The following GALNTL6 variants were observed in gnomAD, a reference collection of about 807,000 sequenced individuals.
GALNTL6 encodes the protein polypeptide N-acetylgalactosaminyltransferase-like 6.
GALNTL6 carries 46 observed loss-of-function variants against 73.7 expected under a neutral mutation model. That is an observed-to-expected ratio of 0.62 (90% CI 0.49 to 0.80). GALNTL6 has a LOEUF of 0.80. GALNTL6 is among the 30% of genes least tolerant of loss of function. The pLI is 0.00. For missense variants in GALNTL6, 604 were observed against 755.0 expected (o/e 0.80, Z 2.34); for synonymous variants, 259 against 263.7 (o/e 0.98, Z 0.17).
intron 7 of GALNTL6, among the ~76,000 whole-genome samples, chr4:172,872,848 C>T (rs1030403303): frequency 2.0e-5 from 3 of 152,194 alleles, no homozygotes; most frequent in Admixed American, 1.3e-4. Context: ...TCAATCACTA[C>T]CTCCTGCCAA....
intron 5 of GALNTL6, among the ~76,000 whole-genome samples, chr4:172,572,041 A>G (rs1471294252): frequency 1.3e-5 from 2 of 152,156 alleles, no homozygotes; most frequent in Non-Finnish European, 2.9e-5. Context: ...TTCAATTGGC[A>G]GGCACCCATA....
chr4:172,558,674 C>A (rs1021500115), intron 5 of GALNTL6, among the ~76,000 whole-genome samples: 2 of 152,054 alleles, frequency 1.3e-5, no homozygotes, highest in Non-Finnish European at 2.9e-5. Flanking sequence ...TTTTGTATAA[C>A]CACCCTAGCA....
intron 10 of GALNTL6, among the ~76,000 whole-genome samples, chr4:172,955,062 G>C (rs1206681121): frequency 6.6e-6 from 1 of 152,230 alleles, no homozygotes; most frequent in Non-Finnish European, 1.5e-5. Flanking sequence ...AGATCTCTGA[G>C]AGTATAAGTG....
intron 2 of GALNTL6, among the ~76,000 whole-genome samples, chr4:171,884,788 G>A (rs146603030): frequency 1.3e-5 from 2 of 152,190 alleles, no homozygotes; most frequent in East Asian, 1.9e-4. Flanking sequence ...GGGCACAGTG[G>A]CTCATGCATG....
At chr4:171,912,292 G>A (rs942752751) in intron 2 of GALNTL6, among the ~76,000 whole-genome samples, 3 of 152,022 alleles carry the variant, frequency 2.0e-5, no homozygotes, top group Non-Finnish European at 4.4e-5. Flanking sequence ...TGTTATTTTT[G>A]CTGCAGTAGG....
chr4:172,367,022 G>A (rs555057907), intron 5 of GALNTL6, among the ~76,000 whole-genome samples: 8 of 152,164 alleles, frequency 5.3e-5, no homozygotes, highest in Non-Finnish European at 8.8e-5. Flanking sequence ...TTAATACCCC[G>A]TGAATCCTAG....
At chr4:172,324,378 G>A (rs1223634468) in intron 4 of GALNTL6, among the ~76,000 whole-genome samples, 1 of 151,628 alleles carries the variant, frequency 6.6e-6, no homozygotes, top group East Asian at 1.9e-4. Context: ...AAGGAAAAAA[G>A]AAATAAATTC....
chr4:172,164,028 C>T (rs1734549428), intron 2 of GALNTL6, among the ~76,000 whole-genome samples: 2 of 151,786 alleles, frequency 1.3e-5, no homozygotes, highest in South Asian at 4.1e-4. Context: ...TAAGGAACTT[C>T]AGGGAATGGA....
At chr4:172,670,286 G>T (rs1731902272) in intron 5 of GALNTL6, among the ~76,000 whole-genome samples, 2 of 151,956 alleles carry the variant, frequency 1.3e-5, no homozygotes, top group Non-Finnish European at 2.9e-5. Flanking sequence ...ATAAGCATTT[G>T]CTTTTCTCTG....
chr4:172,380,686 A>T (rs796514963), intron 5 of GALNTL6, among the ~76,000 whole-genome samples: 33 of 152,372 alleles, frequency 2.2e-4, no homozygotes, highest in African/African-American at 7.9e-4. Flanking sequence ...AGCTTTAAAA[A>T]TGTAATTGAA....
At chr4:172,513,351 G>T (rs1255183957) in intron 5 of GALNTL6, among the ~76,000 whole-genome samples, 1 of 151,892 alleles carries the variant, frequency 6.6e-6, no homozygotes, top group Non-Finnish European at 1.5e-5. Flanking sequence ...TCTTTATGTT[G>T]ATATTTACCT....
chr4:172,315,447 G>A (rs894675374), intron 4 of GALNTL6, among the ~76,000 whole-genome samples: 7 of 152,176 alleles, frequency 4.6e-5, no homozygotes, highest in African/African-American at 1.7e-4. Flanking sequence ...ATTTTTAGTA[G>A]AGACAGAGTT....
chr4:171,831,219 C>T (rs1251474336), intron 2 of GALNTL6, among the ~76,000 whole-genome samples: 2 of 151,724 alleles, frequency 1.3e-5, no homozygotes, highest in Admixed American at 6.6e-5. Context: ...TTAGCAGTCA[C>T]GTAGCAGAAA....
intron 2 of GALNTL6, among the ~76,000 whole-genome samples, chr4:172,053,562 A>C (rs1027982958): frequency 1.3e-4 from 20 of 152,164 alleles, no homozygotes; most frequent in Admixed American, 9.8e-4. Flanking sequence ...TTGGCAGAGA[A>C]ACAAAGGGTT....
intron 2 of GALNTL6, among the ~76,000 whole-genome samples, chr4:172,136,540 G>A (rs925693731): frequency 1.3e-5 from 2 of 151,910 alleles, no homozygotes; most frequent in African/African-American, 4.8e-5. Flanking sequence ...CCTTGAAAGC[G>A]ATCTAAAGAT....
intron 2 of GALNTL6, among the ~76,000 whole-genome samples, chr4:172,197,719 G>T (rs1735817979): frequency 1.3e-5 from 2 of 152,162 alleles, no homozygotes; most frequent in South Asian, 4.1e-4. Flanking sequence ...ATGGTTTTGG[G>T]AGAACTGGTT....
In GALNTL6 at chr4:172,386,059, T is replaced by C. The variant is rs534382664; in HGVS notation, c.553+37370T>C. 7.9e-5 allele frequency among the ~76,000 whole-genome samples: 12 copies of C among 152,292 alleles called. No individual in the cohort carries two copies. The East Asian group carries it at 2.3e-3, about 29-fold the overall frequency. On this transcript the variant is annotated intron_variant, in intron 5 of 12. Transcript: ENST00000506823. ...TGTTCTATGTACTCCTGCTTTATGCTATTATTTAATCCCAAATTGTATCTT... is the reference window on the plus strand; with the variant it reads ...TGTTCTATGTACTCCTGCTTTATGCCATTATTTAATCCCAAATTGTATCTT...
At chr4:171,882,734 T>C (rs545089252) in intron 2 of GALNTL6, among the ~76,000 whole-genome samples, 1 of 152,292 alleles carries the variant, frequency 6.6e-6, no homozygotes, top group South Asian at 2.1e-4. Context: ...CCTGCTTGAT[T>C]CTAGCCACGC....
intron 2 of GALNTL6, among the ~76,000 whole-genome samples, chr4:172,141,639 G>T (rs1423162319): frequency 1.3e-5 from 2 of 151,664 alleles, no homozygotes; most frequent in Non-Finnish European, 3.0e-5. Context: ...AAAAAATTCT[G>T]CCAGTATAAA....
Sources: gnomAD v4.1 joint callset for allele counts (sites outside exome capture counted in the v4.1 genomes callset) on GRCh38, gnomAD v4.1.1 for gene constraint, MANE v1.5 for transcripts, NCBI Gene and HGNC (gene_info 2026-07-23, HGNC 2026-07-21) for gene names.